The following HOMER1 variants were observed in gnomAD, a reference collection of about 807,000 sequenced individuals.
HOMER1 encodes the protein homer protein homolog 1.
Under a neutral mutation model 48.9 loss-of-function variants are expected in HOMER1, and 3 were observed. That is an observed-to-expected ratio of 0.06 (90% confidence interval 0.03 to 0.16). The LOEUF (loss-of-function observed/expected upper bound fraction) is 0.16, where lower values mean the gene tolerates loss of function less well. HOMER1 is among the 10% of genes least tolerant of loss of function. The pLI is 1.00. For synonymous variants in HOMER1, 134 were observed against 146.4 expected (o/e 0.92, Z 0.61); for missense variants, 247 against 411.4 (o/e 0.60, Z 3.46).
chr5:79,495,145 T>C lies in HOMER1; in HGVS notation c.5+17625A>G, dbSNP rs186767515. 8.4e-3 allele frequency among the ~76,000 whole-genome samples: 1,287 copies of C among 152,350 alleles called. 6 individuals carry two copies. The highest frequency in any genetic ancestry group is 0.012 in the Non-Finnish European group (849 of 68,022). On this transcript the variant is annotated intron_variant, in intron 1 of 8. Coordinates refer to ENST00000334082, the MANE Select transcript of HOMER1 (RefSeq NM_004272.5). ...AGGAAGATGTTCAAAATCTTTGATA[T>C]GGGTACTGCATCAAAAATATTTGAA... is the stretch of plus-strand genomic sequence containing the variant.
intron 8 of HOMER1, among the ~76,000 whole-genome samples, chr5:79,382,592 G>A (rs1749010990): frequency 3.9e-5 from 6 of 152,120 alleles, no homozygotes; most frequent in Admixed American, 3.9e-4. Context: ...GAGAAATAAA[G>A]TCTTTCCCAG....
chr5:79,442,607 C>T (rs1019542322), intron 4 of HOMER1, among the ~76,000 whole-genome samples: 7 of 152,210 alleles, frequency 4.6e-5, no homozygotes, highest in African/African-American at 1.2e-4. Flanking sequence ...AAATTAAATT[C>T]CCATTACAGT....
At chr5:79,486,786 A>G (rs1389742137) in intron 1 of HOMER1, among the ~76,000 whole-genome samples, 2 of 152,224 alleles carry the variant, frequency 1.3e-5, no homozygotes, top group Non-Finnish European at 2.9e-5. Context: ...CCTATAGACT[A>G]TGGTAGGAAG....
chr5:79,422,421 T>C (rs1038936578), intron 5 of HOMER1, among the ~76,000 whole-genome samples: 1 of 152,086 alleles, frequency 6.6e-6, no homozygotes, highest in African/African-American at 2.4e-5. Context: ...TTATATTTGG[T>C]CTCCATATGG....
intron 1 of HOMER1, among the ~76,000 whole-genome samples, chr5:79,486,270 G>A (rs1752099381): frequency 1.3e-5 from 2 of 152,144 alleles, no homozygotes; most frequent in Admixed American, 6.6e-5. Flanking sequence ...TTGCACATTT[G>A]TAAGCTAAAC....
At chr5:79,421,587 C>A (rs939446562) in intron 5 of HOMER1, among the ~76,000 whole-genome samples, 1 of 151,786 alleles carries the variant, frequency 6.6e-6, no homozygotes, top group Admixed American at 6.6e-5. Flanking sequence ...CACACACACA[C>A]ACACTAAACC....
At chr5:79,394,503 T>G (rs1346213638) in intron 8 of HOMER1, among the ~76,000 whole-genome samples, 1 of 152,230 alleles carries the variant, frequency 6.6e-6, no homozygotes, top group Non-Finnish European at 1.5e-5. Flanking sequence ...AGTGAAAGGA[T>G]GGGTAAGAAT....
At chr5:79,398,330 CAT>C (rs1491026733) in intron 6 of HOMER1, among the ~76,000 whole-genome samples, 10 of 150,416 alleles carry the variant, frequency 6.6e-5, no homozygotes, top group Admixed American at 4.6e-4. Context: ...CACACACACA[CAT>C]GCACACACAC....
In HOMER1 at chr5:79,447,274, A is replaced by G. The variant is rs574862632; in HGVS notation, c.295-129T>C. On this transcript the variant is annotated intron_variant, in intron 3 of 8. Coordinates refer to ENST00000334082, the MANE Select transcript of HOMER1 (RefSeq NM_004272.5). The stretch of plus-strand genomic sequence containing the variant: ...AAGCAATATAGCCTCCAAACCAATT[A>G]TAGCTTCTAATATGAAAATGACAGG... 13 of 606,816 alleles carry G rather than the reference A, an allele frequency of 2.1e-5. No individual in the cohort carries two copies. In the African/African-American group the frequency reaches 2.4e-4, roughly 11 times the overall value. The allele number at this position is 606,816 out of a possible 1,614,324, so 37.6% of individuals were successfully genotyped here. A position where few individuals can be genotyped will look rare whatever the true frequency, so the allele number is the denominator to read the frequency against.
chr5:79,407,576 T>A (rs1010166950), intron 5 of HOMER1, among the ~76,000 whole-genome samples: 2 of 152,144 alleles, frequency 1.3e-5, no homozygotes, highest in African/African-American at 4.8e-5. Flanking sequence ...ACAGGCTCAG[T>A]GAACTTGACA....
At chr5:79,418,962 C>T (rs1336461194) in intron 5 of HOMER1, among the ~76,000 whole-genome samples, 1 of 152,050 alleles carries the variant, frequency 6.6e-6, no homozygotes, top group Non-Finnish European at 1.5e-5. Flanking sequence ...AAGTTGGGAT[C>T]AAATTATTTA....
chr5:79,393,061 T>C, intron 8 of HOMER1, among the ~76,000 whole-genome samples: 1 of 151,864 alleles, frequency 6.6e-6, no homozygotes, highest in East Asian at 1.9e-4. Flanking sequence ...AAAGGGTATA[T>C]AAAAAATTTC....
chr5:79,416,369 G>T (rs1749943974), intron 5 of HOMER1, among the ~76,000 whole-genome samples: 1 of 152,216 alleles, frequency 6.6e-6, no homozygotes, highest in African/African-American at 2.4e-5. Context: ...TTCTGATTGT[G>T]AGAGGGGAGA....
intron 1 of HOMER1, among the ~76,000 whole-genome samples, chr5:79,462,558 T>G (rs1336990505): frequency 2.0e-5 from 3 of 152,070 alleles, no homozygotes; most frequent in Non-Finnish European, 4.4e-5. Flanking sequence ...TTACTCAAAC[T>G]CACTAGAGCT....
At chr5:79,499,391 T>A (rs1001434979) in intron 1 of HOMER1, among the ~76,000 whole-genome samples, 2 of 152,216 alleles carry the variant, frequency 1.3e-5, no homozygotes, top group Non-Finnish European at 2.9e-5. Context: ...AGTACTTTAA[T>A]GTATTCAAAA....
At chr5:79,472,033 A>C (rs1390689324) in intron 1 of HOMER1, among the ~76,000 whole-genome samples, 3 of 152,060 alleles carry the variant, frequency 2.0e-5, no homozygotes, top group Non-Finnish European at 4.4e-5. Flanking sequence ...GGTACTTATC[A>C]CCATCTGACA....
chr5:79,398,519 T>C (rs991616415), intron 6 of HOMER1, among the ~76,000 whole-genome samples: 1 of 152,116 alleles, frequency 6.6e-6, no homozygotes, highest in African/African-American at 2.4e-5. Context: ...CTTCCTTTCT[T>C]CTCATGTACT....
intron 1 of HOMER1, among the ~76,000 whole-genome samples, chr5:79,503,209 A>T (rs1752653295): frequency 6.6e-6 from 1 of 152,200 alleles, no homozygotes; most frequent in Non-Finnish European, 1.5e-5. Context: ...TCATACAATT[A>T]AGTAAACTAG....
intron 1 of HOMER1, among the ~76,000 whole-genome samples, chr5:79,467,035 C>G (rs2112317829): frequency 6.6e-6 from 1 of 152,266 alleles, no homozygotes; most frequent in South Asian, 2.1e-4. Flanking sequence ...TGTGATCTGC[C>G]TGCCTCGGCC....
Sources: allele counts gnomAD v4.1 joint callset (sites outside exome capture counted in the v4.1 genomes callset), GRCh38; gene constraint gnomAD v4.1.1; transcripts MANE v1.5; gene names NCBI Gene and HGNC (gene_info 2026-07-23, HGNC 2026-07-21).